Variants in CACNA1G observed in about 807,000 individuals in gnomAD.
CACNA1G encodes the protein calcium voltage-gated channel subunit alpha1 G, also known as voltage-dependent T-type calcium channel subunit alpha-1G.
CACNA1G carries 67 observed loss-of-function variants against 219.4 expected under a neutral mutation model. That is an observed-to-expected ratio of 0.31 (90% CI 0.25 to 0.37). CACNA1G has a LOEUF of 0.37. CACNA1G is among the 10% of genes least tolerant of loss of function. The probability of loss-of-function intolerance (pLI) is 1.00; values close to 1 mark genes in which losing one functional copy is unlikely to be tolerated. For missense variants in CACNA1G, 2,380 were observed against 3,231.4 expected (o/e 0.74, Z 6.39); for synonymous variants, 1,296 against 1,345.3 (o/e 0.96, Z 0.80).
intron 7 of CACNA1G, among the ~76,000 whole-genome samples, chr17:50,574,718 A>G (rs2040247918): frequency 6.6e-6 from 1 of 152,184 alleles, no homozygotes; most frequent in Admixed American, 6.5e-5. Context: ...GCTAATTATC[A>G]TAATTACTAG....
chr17:50,595,181 T>C, intron 14 of CACNA1G, 120 bp downstream of exon 14: 1 of 734,580 alleles, frequency 1.4e-6, no homozygotes, highest in Non-Finnish European at 2.3e-6. Flanking sequence ...GTCATAGCCG[T>C]GATGGTCATT....
chr17:50,569,414 C>A, intron 3 of CACNA1G, 116 bp downstream of exon 3: 1 of 1,119,358 alleles, frequency 8.9e-7, no homozygotes, highest in Non-Finnish European at 1.3e-6. Context: ...CACTTTCTCC[C>A]TGGCTATCTC....
Position 50,626,547 on chromosome 17 carries a change from T to A in CACNA1G, c.6930T>A (p.Ser2310Arg). 1 of 1,580,208 alleles carries A rather than the reference T, an allele frequency of 6.3e-7. No individual in the cohort carries two copies. The highest frequency in any genetic ancestry group is 8.6e-7 in the Non-Finnish European group (1 of 1,165,310). Residue 2310 changes from serine (S) to arginine (R), a missense_variant, in exon 38 of 38, where the codon AGT (serine) becomes AGA (arginine). Ser to Arg is a moderately radical substitution (Grantham distance 110). This residue lies in a region of CACNA1G where 672 missense variants were observed against 670.5 expected (regional missense o/e 1.00). Transcript: ENST00000359106. This position sits in a 1 kb window ranked among gnomAD's most constrained non-coding sequence, Gnocchi z 4.3. The stretch of plus-strand genomic sequence containing the variant: ...CCAAGAAAAAACTCAGCCCGCCTAG[T>A]ATCACCATAGACCCCCCCGAGAGCC... Reference protein sequence around the residue: ...SRPKKKLSPPSITIDPPESQG... With the variant: ...SRPKKKLSPPRITIDPPESQG...
chr17:50,624,678 T>C (rs1043351757), intron 37 of CACNA1G, 149 bp downstream of exon 37: 3 of 836,014 alleles, frequency 3.6e-6, no homozygotes, highest in Admixed American at 2.8e-5. Flanking sequence ...AGGGACACAG[T>C]ACTGGGCAAA....
Position 50,609,936 on chromosome 17 carries a change from G to T in CACNA1G, c.4759+1G>T. 1 of 1,610,110 alleles carries T rather than the reference G, an allele frequency of 6.2e-7. No homozygotes were observed. On this transcript the variant is annotated splice_donor_variant, in intron 26 of 37. Transcript: ENST00000359106. LOFTEE classifies it high-confidence loss of function. Reference sequence around the variant, plus strand: ...GGCAGCTCAGCCAGCGCTGCGTCAGGTACTGCGTCTGGGGTGTGGGCTCAT... The same window carrying T: ...GGCAGCTCAGCCAGCGCTGCGTCAGTTACTGCGTCTGGGGTGTGGGCTCAT...
At chr17:50,589,245 C>G (rs555024323) in intron 9 of CACNA1G, among the ~76,000 whole-genome samples, 2 of 152,122 alleles carry the variant, frequency 1.3e-5, no homozygotes, top group African/African-American at 2.4e-5. Flanking sequence ...ATGATCCCCC[C>G]ACCCCGTGCC....
chr17:50,579,498 C>A (rs561509242), intron 9 of CACNA1G, among the ~76,000 whole-genome samples: 2 of 152,128 alleles, frequency 1.3e-5, no homozygotes, highest in South Asian at 4.1e-4. Context: ...CCCTCTTCCA[C>A]AGGGTTCTTT....
intron 1 of CACNA1G, among the ~76,000 whole-genome samples, chr17:50,566,745 T>C (rs756197854): frequency 6.6e-6 from 1 of 152,246 alleles, no homozygotes; most frequent in Non-Finnish European, 1.5e-5. Context: ...TCCCAGGTAT[T>C]GATCATCTGC....
rs764549697 is a variant in CACNA1G at position 50,626,377 on chromosome 17, T to A, written c.6760T>A (p.Cys2254Ser). ...KKCYSVEAQS[C>S]QRRPTSWLDE... ...GTGCTACAGCGTGGAGGCCCAGAGC[T>A]GCCAGCGCCGGCCTACGTCCTGGCT... Residue 2254 changes from cysteine to serine, a missense_variant, in exon 38 of 38, where the codon TGC becomes AGC. Physicochemically the swap from Cys to Ser is moderately radical, Grantham distance 112. This residue lies in a region of CACNA1G where 672 missense variants were observed against 670.5 expected (regional missense o/e 1.00). Transcript: ENST00000359106. This position sits in a 1 kb window ranked among gnomAD's most constrained non-coding sequence, Gnocchi z 4.3. 1 of 1,612,024 alleles carries A rather than the reference T, an allele frequency of 6.2e-7. No individual in the cohort carries two copies. The highest frequency in any genetic ancestry group is 1.1e-5 in the South Asian group (1 of 91,044).
chr17:50,579,531 C>A (rs544450908), intron 9 of CACNA1G, among the ~76,000 whole-genome samples: 2 of 152,228 alleles, frequency 1.3e-5, no homozygotes, highest in South Asian at 2.1e-4. Flanking sequence ...CCCCCTCCCC[C>A]CAGTCTGGCC....
chr17:50,592,834 G>A (rs2044634046), intron 13 of CACNA1G, among the ~76,000 whole-genome samples: 2 of 152,172 alleles, frequency 1.3e-5, no homozygotes, highest in Admixed American at 1.3e-4. Flanking sequence ...TCCAGGTTGG[G>A]TCTGGAGAAG....
intron 37 of CACNA1G, 109 bp downstream of exon 37, chr17:50,624,638 A>T (rs1343869904): frequency 1.8e-6 from 2 of 1,125,452 alleles, no homozygotes; most frequent in Non-Finnish European, 2.5e-6. Context: ...ATTGTGTGCC[A>T]GTGATGTGCC....
At chr17:50,595,803 G>T (rs2045430192) in intron 14 of CACNA1G, among the ~76,000 whole-genome samples, 2 of 152,244 alleles carry the variant, frequency 1.3e-5, no homozygotes, top group African/African-American at 4.8e-5. Context: ...ATAATTAAAG[G>T]CCTCGTTAGG....
chr17:50,591,726 C>T lies in CACNA1G; in HGVS notation c.2640-13C>T, dbSNP rs752063727. The T allele has an allele frequency of 1.9e-6, 3 of 1,612,500 alleles. No homozygotes were observed. Among genetic ancestry groups the T allele is most frequent in the African/African-American group, 1.3e-5 (1 of 74,908 alleles). On this transcript the variant is annotated splice_polypyrimidine_tract_variant and intron_variant, in intron 11 of 37. Coordinates refer to ENST00000359106, the MANE Select transcript of CACNA1G (RefSeq NM_018896.5). ...GCTCTGATCCCTAGCTTGTGGCCCC[C>T]TTGTGCCCACAGCATCCTGGGCATG... is the stretch of plus-strand genomic sequence containing the variant.
In CACNA1G at chr17:50,606,857, A is replaced by G. The variant is rs200487709; in HGVS notation, c.4423-43A>G. 495 of 1,447,366 alleles carry G rather than the reference A, an allele frequency of 3.4e-4. 7 individuals are homozygous for G. The South Asian group carries it at 4.7e-3, about 14-fold the overall frequency. The allele number at this position is 1,447,366 out of a possible 1,614,324, so 89.7% of individuals were successfully genotyped here. A position where few individuals can be genotyped will look rare whatever the true frequency, so the allele number is the denominator to read the frequency against. On this transcript the variant is annotated intron_variant, in intron 23 of 37. Coordinates refer to ENST00000359106, the MANE Select transcript of CACNA1G (RefSeq NM_018896.5). The stretch of plus-strand genomic sequence containing the variant: ...GGCAGGTGATAGGTGATTCAGCCAC[A>G]CATCCTAGACTTCAAATGTCTCCTT...
chr17:50,568,723 TG>T, intron 1 of CACNA1G, 146 bp from the exon 2 acceptor site: 1 of 681,964 alleles, frequency 1.5e-6, no homozygotes, highest in South Asian at 1.6e-5. Context: ...GGCTGGGGGC[TG>T]GTCTGCGTGT....
In CACNA1G at chr17:50,603,021, G is replaced by A. The variant is rs1481676863; in HGVS notation, c.3991G>A (p.Ala1331Thr). The change falls in exon 21 of 38, where the codon GCA becomes ACA. Residue 1331 changes from alanine to threonine, a missense_variant. Transcript: ENST00000359106. This position sits in a 1 kb window ranked among gnomAD's most constrained non-coding sequence, Gnocchi z 6.4. The stretch of plus-strand genomic sequence containing the variant: ...ACGTGGCGGTGGTCCCCAGGTGGTG[G>A]CACTGGGCTGGTGCTTCGGGGAGCA... The part of the protein sequence containing the change: ...FLAEMTVKVV[A>T]LGWCFGEQAY... The A allele has an allele frequency of 6.2e-7, 1 of 1,611,606 alleles. No individual in the cohort carries two copies. The highest frequency in any genetic ancestry group is 8.5e-7 in the Non-Finnish European group (1 of 1,178,416).
intron 9 of CACNA1G, among the ~76,000 whole-genome samples, chr17:50,580,272 G>A (rs1015890796): frequency 6.6e-6 from 1 of 152,192 alleles, no homozygotes; most frequent in African/African-American, 2.4e-5. Flanking sequence ...GCAGTGGGGG[G>A]TGGGCAGCAT....
intron 4 of CACNA1G, among the ~76,000 whole-genome samples, chr17:50,570,557 CTGTGTGTGTGTGTG>C (rs3062844): frequency 7.5e-6 from 1 of 132,614 alleles, no homozygotes; most frequent in Non-Finnish European, 1.6e-5. Context: ...CCCCTGCGCT[CTGTGTGTGTGTGTG>C]TGTGTGTGTG....
Sources: allele counts gnomAD v4.1 joint callset (sites outside exome capture counted in the v4.1 genomes callset), GRCh38; gene constraint gnomAD v4.1.1; regional missense constraint gnomAD v4.1.1; non-coding constraint Gnocchi (gnomAD v3.1); transcripts MANE v1.5; gene names NCBI Gene and HGNC (gene_info 2026-07-23, HGNC 2026-07-21).